PCDH15: variants seen among roughly 807,000 people sequenced by gnomAD.
The protein encoded by PCDH15 is protocadherin-15.
PCDH15 carries 129 observed loss-of-function variants against 178.5 expected under a neutral mutation model. The observed-to-expected ratio is 0.72, with a 90% CI of 0.63 to 0.84. The LOEUF is 0.84. Among genes scored for constraint, PCDH15 ranks in the 40% least tolerant of loss-of-function variants. The probability of loss-of-function intolerance (pLI) is 0.00; values close to 1 mark genes in which losing one functional copy is unlikely to be tolerated. For missense variants in PCDH15, 2,230 were observed against 2,099.9 expected (o/e 1.06, Z -1.21); for synonymous variants, 800 against 732.0 (o/e 1.09, Z -1.50).
chr10:54,637,069 T>C (rs2134840045), intron 2 of PCDH15, among the ~76,000 whole-genome samples: 1 of 150,932 alleles, frequency 6.6e-6, no homozygotes, highest in African/African-American at 2.4e-5. Flanking sequence ...TGTATCACTA[T>C]ATCTATTCCT....
At chr10:55,111,299 G>C (rs936096256) in intron 2 of PCDH15, among the ~76,000 whole-genome samples, 2 of 152,038 alleles carry the variant, frequency 1.3e-5, no homozygotes, top group Non-Finnish European at 2.9e-5. Context: ...TAGTCTAATG[G>C]GAAAGTGTAC....
intron 3 of PCDH15, among the ~76,000 whole-genome samples, chr10:54,494,872 G>C (rs1347122357): frequency 1.3e-5 from 2 of 151,960 alleles, no homozygotes; most frequent in Non-Finnish European, 2.9e-5. Context: ...GTCTTGGTGG[G>C]GTTGAATCCA....
At chr10:55,164,943 T>C (rs186076082) in intron 2 of PCDH15, among the ~76,000 whole-genome samples, 74 of 152,160 alleles carry the variant, frequency 4.9e-4, no homozygotes, top group Admixed American at 1.4e-3. Flanking sequence ...AGTGTTTGTA[T>C]TGGAAATTTT....
chr10:54,922,718 G>C (rs770950162), intron 2 of PCDH15, among the ~76,000 whole-genome samples: 7 of 152,070 alleles, frequency 4.6e-5, no homozygotes, highest in Non-Finnish European at 8.8e-5. Flanking sequence ...CTCACATCCA[G>C]GCCACAATGA....
intron 2 of PCDH15, among the ~76,000 whole-genome samples, chr10:55,622,087 A>G (rs1837407458): frequency 7.1e-6 from 1 of 139,872 alleles, no homozygotes; most frequent in African/African-American, 2.6e-5. Context: ...TATATAAATT[A>G]TATATAATGT....
chr10:53,945,371 TG>T (rs2086452270), intron 23 of PCDH15, among the ~76,000 whole-genome samples: 1 of 152,198 alleles, frequency 6.6e-6, no homozygotes, highest in Non-Finnish European at 1.5e-5. Context: ...CACTGTAGAA[TG>T]GCTAAATTAA....
At chr10:54,309,182 C>T (rs1196706366) in intron 8 of PCDH15, among the ~76,000 whole-genome samples, 2 of 151,844 alleles carry the variant, frequency 1.3e-5, no homozygotes, top group Non-Finnish European at 2.9e-5. Context: ...TATGCTGGGA[C>T]AAGAATTATA....
At chr10:54,107,282 C>A (rs1398436026) in intron 15 of PCDH15, among the ~76,000 whole-genome samples, 3 of 152,288 alleles carry the variant, frequency 2.0e-5, no homozygotes, top group East Asian at 3.9e-4. Context: ...ATGTTTGCAT[C>A]TCTTTAGTGT....
At chr10:54,253,181 TAA>T (rs775126130) in intron 8 of PCDH15, among the ~76,000 whole-genome samples, 6 of 152,110 alleles carry the variant, frequency 3.9e-5, no homozygotes, top group Admixed American at 3.9e-4. Flanking sequence ...GGAGAAAATT[TAA>T]AAGAGTAAGA....
At chr10:55,246,871 G>A (rs1051831648) in intron 1 of PCDH15, among the ~76,000 whole-genome samples, 10 of 152,050 alleles carry the variant, frequency 6.6e-5, no homozygotes, top group Admixed American at 3.3e-4. Flanking sequence ...AAACTGCAGA[G>A]GAAAACAGCA....
chr10:54,868,435 T>TTCTC (rs1281299887), intron 3 of PCDH15, among the ~76,000 whole-genome samples: 1 of 152,176 alleles, frequency 6.6e-6, no homozygotes, highest in Admixed American at 6.6e-5. Context: ...GGCTTCCTTC[T>TTCTC]TCTCTTCCTC....
At chr10:54,661,383 C>G (rs2094488429) in intron 2 of PCDH15, among the ~76,000 whole-genome samples, 1 of 151,920 alleles carries the variant, frequency 6.6e-6, no homozygotes, top group African/African-American at 2.4e-5. Flanking sequence ...CTATAAAACA[C>G]TGCTGAAAGA....
chr10:54,371,390 A>T (rs1573045), intron 4 of PCDH15, among the ~76,000 whole-genome samples: 22,068 of 151,762 alleles, frequency 0.15, 1,817 homozygotes, highest in Middle Eastern at 0.22. Flanking sequence ...GGTAGATTAT[A>T]ACAGGTACCA....
At position 54,599,882 on chromosome 10, in the gene PCDH15, C is replaced by A. The variant is rs1209005417; in HGVS notation, c.91+64290G>T. ...GAAGGTGAAGTAGAGGAAGCCAAAG[C>A]TAAAGAGGAAAAGAAAGTTGAGGAA... On this transcript the variant is annotated intron_variant, in intron 2 of 37. Transcript: ENST00000644397. The A allele has an allele frequency of 5.8e-6, 4 of 694,680 alleles. No individual in the cohort carries two copies. The East Asian group carries it at 9.3e-5, about 16-fold the overall frequency. 43.0% of individuals were successfully genotyped at this position (694,680 alleles called of 1,614,324 possible). A position where few individuals can be genotyped will look rare whatever the true frequency, so the allele number is the denominator to read the frequency against.
At chr10:54,340,266 G>A (rs1403486575) in intron 6 of PCDH15, among the ~76,000 whole-genome samples, 2 of 151,678 alleles carry the variant, frequency 1.3e-5, no homozygotes, top group Admixed American at 1.3e-4. Flanking sequence ...TCTTTTTATT[G>A]TTGTCATTGG....
At chr10:53,854,365 C>T (rs1206140609) in intron 28 of PCDH15, among the ~76,000 whole-genome samples, 1 of 151,940 alleles carries the variant, frequency 6.6e-6, no homozygotes, top group Non-Finnish European at 1.5e-5. Context: ...CTTAAAACTA[C>T]CAAACTGTAC....
intron 1 of PCDH15, among the ~76,000 whole-genome samples, chr10:55,227,870 A>G (rs1331117186): frequency 3.9e-5 from 6 of 152,096 alleles, no homozygotes; most frequent in Non-Finnish European, 7.3e-5. Context: ...TCCTCACCTT[A>G]TACAGTAACC....
At chr10:54,216,256 G>A (rs1339946527) in intron 9 of PCDH15, among the ~76,000 whole-genome samples, 1 of 151,850 alleles carries the variant, frequency 6.6e-6, no homozygotes, top group Non-Finnish European at 1.5e-5. Flanking sequence ...AGGAGTTCGA[G>A]ACCAGCCTGG....
chr10:55,268,664 A>C (rs1842362389), intron 1 of PCDH15, among the ~76,000 whole-genome samples: 1 of 152,172 alleles, frequency 6.6e-6, no homozygotes, highest in Admixed American at 6.5e-5. Context: ...AATATAAAAA[A>C]CTATAAGAAG....
Sources: allele counts gnomAD v4.1 joint callset (sites outside exome capture counted in the v4.1 genomes callset), GRCh38; gene constraint gnomAD v4.1.1; transcripts MANE v1.5; gene names NCBI Gene and HGNC (gene_info 2026-07-23, HGNC 2026-07-21).